The following AUH variants were observed in gnomAD, a reference collection of about 807,000 sequenced individuals.
AUH encodes AU RNA binding methylglutaconyl-CoA hydratase, also known as methylglutaconyl-CoA hydratase, mitochondrial.
A neutral mutation model predicts 42.3 loss-of-function variants in AUH; 29 were observed. That is an observed-to-expected ratio of 0.69 (90% CI 0.51 to 0.93). The LOEUF (loss-of-function observed/expected upper bound fraction) is 0.93. Among genes scored for constraint, AUH ranks in the 40% least tolerant of loss-of-function variants. The pLI is 0.00. For missense variants in AUH, 452 were observed against 438.1 expected (o/e 1.03, Z -0.28); for synonymous variants, 174 against 166.4 (o/e 1.05, Z -0.35).
rs1222783291 is a variant in AUH, at chr9:91,251,049, G to GCTAT, written c.656-30058_656-30057insATAG. Among the ~76,000 whole-genome samples, 3 of 152,288 alleles carry GCTAT rather than the reference G, an allele frequency of 2.0e-5. No individual in the cohort carries two copies. In the East Asian group the frequency reaches 5.8e-4, roughly 29 times the overall value. On this transcript the variant is annotated intron_variant, in intron 6 of 9. Transcript: ENST00000375731. Reference sequence around the variant, plus strand: ...ACACACGGCTGCAGCAGAAGAGATAGGGCACCAGCCTAGGGTCCAGACCAG... The same window carrying GCTAT: ...ACACACGGCTGCAGCAGAAGAGATAGCTATGGCACCAGCCTAGGGTCCAGACCAG...
intron 4 of AUH, among the ~76,000 whole-genome samples, chr9:91,317,317 A>C (rs1439823994): frequency 6.6e-6 from 1 of 152,124 alleles, no homozygotes; most frequent in East Asian, 1.9e-4. Context: ...TTTAATACTC[A>C]ATCTTCCTAT....
intron 6 of AUH, among the ~76,000 whole-genome samples, chr9:91,229,936 T>A: frequency 6.6e-6 from 1 of 152,222 alleles, no homozygotes; most frequent in East Asian, 1.9e-4. Context: ...CTGTTAAGTC[T>A]GATGGGCTTC....
chr9:91,323,302 T>G (rs1354972638), intron 4 of AUH, among the ~76,000 whole-genome samples: 1 of 152,158 alleles, frequency 6.6e-6, no homozygotes, highest in Non-Finnish European at 1.5e-5. Context: ...ATTATCCAGC[T>G]GACATGATAT....
chr9:91,317,327 T>G (rs1040254630), intron 4 of AUH, among the ~76,000 whole-genome samples: 2 of 152,236 alleles, frequency 1.3e-5, no homozygotes, highest in African/African-American at 2.4e-5. Flanking sequence ...AATCTTCCTA[T>G]TCAAGAGGAT....
intron 7 of AUH, chr9:91,218,551 G>T: frequency 1.1e-6 from 1 of 918,104 alleles, no homozygotes; most frequent in Non-Finnish European, 1.3e-6. Context: ...CGTCTAACAA[G>T]CTGCCAGGAG....
intron 6 of AUH, among the ~76,000 whole-genome samples, chr9:91,286,050 G>A (rs1826380147): frequency 6.6e-6 from 1 of 151,732 alleles, no homozygotes; most frequent in Non-Finnish European, 1.5e-5. Context: ...ATCATATTTG[G>A]CACAGAATGA....
chr9:91,345,541 T>C (rs1181944143), intron 3 of AUH, among the ~76,000 whole-genome samples: 1 of 152,012 alleles, frequency 6.6e-6, no homozygotes, highest in Non-Finnish European at 1.5e-5. Context: ...GCATTAAAAA[T>C]ACCCAGAGAA....
intron 4 of AUH, among the ~76,000 whole-genome samples, chr9:91,318,308 A>T (rs1829311867): frequency 6.6e-6 from 1 of 152,218 alleles, no homozygotes; most frequent in Admixed American, 6.5e-5. Context: ...CTTAGCTTCA[A>T]ACTGCTTTTA....
intron 6 of AUH, among the ~76,000 whole-genome samples, chr9:91,243,314 G>A (rs908703046): frequency 2.6e-5 from 4 of 152,202 alleles, no homozygotes; most frequent in African/African-American, 7.2e-5. Context: ...ATAAGCATAC[G>A]AATATAACTG....
intron 3 of AUH, among the ~76,000 whole-genome samples, chr9:91,327,089 C>A (rs2131872453): frequency 6.6e-6 from 1 of 152,258 alleles, no homozygotes; most frequent in African/African-American, 2.4e-5. Context: ...AATCTTAAAA[C>A]CTCCTATCAA....
chr9:91,341,751 G>A (rs946348223), intron 3 of AUH, among the ~76,000 whole-genome samples: 2 of 152,212 alleles, frequency 1.3e-5, no homozygotes, highest in African/African-American at 4.8e-5. Flanking sequence ...ATCTGCGGGG[G>A]AGGCTGACTG....
chr9:91,346,251 C>T (rs1365781371), intron 3 of AUH, among the ~76,000 whole-genome samples: 2 of 152,118 alleles, frequency 1.3e-5, no homozygotes, highest in Admixed American at 1.3e-4. Flanking sequence ...CTACCCACAC[C>T]TTCAGGGAGT....
intron 6 of AUH, among the ~76,000 whole-genome samples, chr9:91,255,373 G>A (rs1829356790): frequency 6.6e-6 from 1 of 152,180 alleles, no homozygotes; most frequent in African/African-American, 2.4e-5. Context: ...AGTGGTTTCT[G>A]TTACAGTATC....
chr9:91,328,984 C>A (rs940265028), intron 3 of AUH, among the ~76,000 whole-genome samples: 6 of 152,132 alleles, frequency 3.9e-5, no homozygotes, highest in Non-Finnish European at 7.4e-5. Context: ...AAGAATTGGT[C>A]TTTTCTGGAC....
intron 6 of AUH, among the ~76,000 whole-genome samples, chr9:91,262,182 C>T (rs936338642): frequency 6.6e-6 from 1 of 152,122 alleles, no homozygotes; most frequent in African/African-American, 2.4e-5. Flanking sequence ...AAGATAAATT[C>T]GAGTTAACTA....
chr9:91,253,761 C>T (rs1311221366), intron 6 of AUH, among the ~76,000 whole-genome samples: 2 of 152,186 alleles, frequency 1.3e-5, no homozygotes, highest in Non-Finnish European at 2.9e-5. Flanking sequence ...ACACTCAGCA[C>T]CTCCTTTCAG....
intron 4 of AUH, among the ~76,000 whole-genome samples, chr9:91,318,706 A>G (rs1487877141): frequency 1.3e-5 from 2 of 152,188 alleles, no homozygotes; most frequent in African/African-American, 4.8e-5. Context: ...TGGCCCCTTC[A>G]CCAGATGGAA....
chr9:91,270,631 G>A (rs1484613558), intron 6 of AUH, among the ~76,000 whole-genome samples: 1 of 151,984 alleles, frequency 6.6e-6, no homozygotes, highest in Non-Finnish European at 1.5e-5. Flanking sequence ...AACACCTTCT[G>A]CTTGTGCTGC....
chr9:91,287,613 C>G (rs1826520674), intron 6 of AUH, among the ~76,000 whole-genome samples: 1 of 151,992 alleles, frequency 6.6e-6, no homozygotes, highest in South Asian at 2.1e-4. Flanking sequence ...TCTGAAATTA[C>G]TGCAACATGA....
Sources: gnomAD v4.1 joint callset for allele counts (sites outside exome capture counted in the v4.1 genomes callset) on GRCh38, gnomAD v4.1.1 for gene constraint, MANE v1.5 for transcripts, NCBI Gene and HGNC (gene_info 2026-07-23, HGNC 2026-07-21) for gene names.